The following DNAH9 variants were observed in gnomAD, a reference collection of about 807,000 sequenced individuals.
The protein encoded by DNAH9 is DNAH9 variant protein.
In DNAH9, 345 loss-of-function variants were observed where a neutral mutation model predicts 471.6. The observed-to-expected ratio is 0.73, with a 90% confidence interval of 0.67 to 0.80. The LOEUF is 0.80. Ranked by LOEUF, DNAH9 falls within the 30% of genes least tolerant of loss-of-function variation. DNAH9 has a pLI of 0.00. For synonymous variants in DNAH9, 2,093 were observed against 2,123.6 expected (o/e 0.99, Z 0.40); for missense variants, 5,407 against 5,609.2 (o/e 0.96, Z 1.15).
chr17:11,967,709 G>A (rs1230105817), intron 68 of DNAH9, among the ~76,000 whole-genome samples: 1 of 152,064 alleles, frequency 6.6e-6, no homozygotes, highest in Non-Finnish European at 1.5e-5. Flanking sequence ...CAAAAGACAC[G>A]TTTTAGATTG....
rs757449453 is a variant in DNAH9 at position 11,598,820 on chromosome 17, C to T, written c.322C>T (p.Pro108Ser). ...AKALFFLRTG[P>S]EPPGPDSFRG... ...GGCGCTTTTTTTCCTTCGCACCGGG[C>T]CCGAGCCTCCAGGGCCCGACAGCTT... Residue 108 changes from proline to serine, a missense_variant, in exon 1 of 69, where the codon CCC (proline) becomes TCC (serine). By Grantham distance (74) the Pro-to-Ser change is moderately conservative (BLOSUM62 -1). This residue lies in a region of DNAH9 where 767 missense variants were observed against 692.5 expected (regional missense o/e 1.11). Transcript: ENST00000262442. The T allele has an allele frequency of 3.3e-6, 5 of 1,493,632 alleles. No homozygotes were observed. Among genetic ancestry groups the T allele is most frequent in the Admixed American group, 4.4e-5 (2 of 45,478 alleles). 92.5% of individuals were successfully genotyped at this position (1,493,632 alleles called of 1,614,324 possible).
At chr17:11,628,446 C>A (rs1415543659) in intron 6 of DNAH9, among the ~76,000 whole-genome samples, 1 of 152,208 alleles carries the variant, frequency 6.6e-6, no homozygotes, top group East Asian at 1.9e-4. Flanking sequence ...ACTGACTTAG[C>A]ACTCAGCATC....
intron 49 of DNAH9, among the ~76,000 whole-genome samples, chr17:11,849,894 G>C (rs1342663887): frequency 1.3e-5 from 2 of 152,278 alleles, no homozygotes; most frequent in East Asian, 3.9e-4. Flanking sequence ...AATGATGACT[G>C]CACACATATT....
intron 61 of DNAH9, among the ~76,000 whole-genome samples, chr17:11,913,080 A>G (rs184614971): frequency 2.5e-4 from 38 of 152,278 alleles, no homozygotes; most frequent in Admixed American, 2.2e-3. Context: ...AGGCAAGAGA[A>G]TTGCTTGAAC....
chr17:11,968,606 T>C (rs1211962002), intron 68 of DNAH9, among the ~76,000 whole-genome samples: 1 of 152,242 alleles, frequency 6.6e-6, no homozygotes, highest in African/African-American at 2.4e-5. Flanking sequence ...TGTGGTAGTG[T>C]ATGTTGTAAA....
intron 8 of DNAH9, among the ~76,000 whole-genome samples, chr17:11,635,970 C>T (rs1316324325): frequency 1.3e-5 from 2 of 149,482 alleles, no homozygotes; most frequent in Admixed American, 1.3e-4. Context: ...TCTTTCTGTT[C>T]TAGGTTTTGT....
At position 11,945,751 on chromosome 17, in the gene DNAH9, TAC is replaced by T. The variant is rs934559375; in HGVS notation, c.12843+3270_12843+3271del. On this transcript the variant is annotated intron_variant, in intron 67 of 68. Coordinates refer to ENST00000262442, the MANE Select transcript of DNAH9 (RefSeq NM_001372.4). ...GTGAGAATTGCACTACTATGCAATATACACATGTGAGAAAGCTGCACTTGTGG... is the reference window on the plus strand; with the variant it reads ...GTGAGAATTGCACTACTATGCAATATACATGTGAGAAAGCTGCACTTGTGG... Among the ~76,000 whole-genome samples the T allele has an allele frequency of 6.2e-5, 9 of 145,892 alleles. No individual in the cohort carries two copies. In the Admixed American group the frequency reaches 6.3e-4, roughly 10 times the overall value.
At chr17:11,856,287 G>A (rs140497992) in intron 50 of DNAH9, among the ~76,000 whole-genome samples, 1 of 152,316 alleles carries the variant, frequency 6.6e-6, no homozygotes, top group African/African-American at 2.4e-5. Context: ...TACAAGTTAT[G>A]AAAGGTAGGA....
Position 11,679,876 on chromosome 17 carries a change from G to A in DNAH9, c.3473G>A (p.Arg1158Gln), listed in dbSNP as rs771170445. Reference sequence around the variant, plus strand: ...GGACACCTTATGGCTGTTAAAGAACGGCAGAGTAACACTGATGAGATGTTT... The same window carrying A: ...GGACACCTTATGGCTGTTAAAGAACAGCAGAGTAACACTGATGAGATGTTT... ...IMGHLMAVKE[R>Q]QSNTDEMFEP... is the part of the protein sequence containing the mutation. The change falls in exon 18 of 69, where the codon CGG becomes CAG. Residue 1158 changes from arginine to glutamine, a missense_variant. Transcript: ENST00000262442. The A allele has an allele frequency of 6.8e-6, 11 of 1,613,944 alleles. No individual in the cohort carries two copies. The highest frequency in any genetic ancestry group is 6.7e-5 in the African/African-American group (5 of 74,918).
At chr17:11,650,894 G>A (rs1436093359) in intron 12 of DNAH9, among the ~76,000 whole-genome samples, 175 bp from the exon 13 acceptor site, 1 of 152,156 alleles carries the variant, frequency 6.6e-6, no homozygotes, top group African/African-American at 2.4e-5. Flanking sequence ...TCTTCCTTCT[G>A]CCTGATACTT....
At chr17:11,901,355 G>A (rs1311249415) in intron 59 of DNAH9, among the ~76,000 whole-genome samples, 7 of 152,128 alleles carry the variant, frequency 4.6e-5, no homozygotes, top group African/African-American at 1.4e-4. Context: ...TGGCTTCCCC[G>A]GGCCACACTG....
chr17:11,683,951 T>C (rs1597474856), intron 19 of DNAH9, among the ~76,000 whole-genome samples: 1 of 152,218 alleles, frequency 6.6e-6, no homozygotes, highest in South Asian at 2.1e-4. Context: ...GTGTTTTGTT[T>C]TCTTTCTTAG....
chr17:11,798,186 C>A (rs545667373), intron 43 of DNAH9, among the ~76,000 whole-genome samples: 1 of 151,992 alleles, frequency 6.6e-6, no homozygotes. Flanking sequence ...GTAATCCCAG[C>A]ACTTTGGAGG....
chr17:11,652,684 T>G, intron 13 of DNAH9, 77 bp from the exon 14 acceptor site: 1 of 1,370,726 alleles, frequency 7.3e-7, no homozygotes, highest in South Asian at 1.3e-5. Flanking sequence ...ATTAAATCCC[T>G]GTCTTTCATA....
intron 3 of DNAH9, among the ~76,000 whole-genome samples, 155 bp from the exon 4 acceptor site, chr17:11,611,494 TG>T (rs1229461888): frequency 6.6e-5 from 10 of 152,338 alleles, no homozygotes; most frequent in African/African-American, 2.4e-4. Context: ...CTCACTGGGC[TG>T]GGAACAGATG....
chr17:11,930,720 G>C (rs922453712), intron 63 of DNAH9, among the ~76,000 whole-genome samples: 4 of 142,872 alleles, frequency 2.8e-5, no homozygotes, highest in Non-Finnish European at 6.0e-5. Flanking sequence ...AGCCGAGATT[G>C]TGCCACTGCA....
At chr17:11,922,792 C>T (rs1320639463) in intron 61 of DNAH9, among the ~76,000 whole-genome samples, 1 of 152,154 alleles carries the variant, frequency 6.6e-6, no homozygotes, top group Non-Finnish European at 1.5e-5. Flanking sequence ...CTACCTGAAT[C>T]CTGCCCCTAC....
rs137886814 is a variant in DNAH9 at position 11,674,415 on chromosome 17, T to C, written c.3353+4621T>C. Among the ~76,000 whole-genome samples the C allele has an allele frequency of 2.2e-3, 336 of 152,332 alleles. 3 individuals carry two copies. Among genetic ancestry groups the C allele is most frequent in the African/African-American group, 7.6e-3 (315 of 41,564 alleles). ...TGGTGGGAGTGTAATGGTATCTCAC[T>C]GTGGTAAATATTTTGCACTACTCTG... On this transcript the variant is annotated intron_variant, in intron 17 of 68. Transcript: ENST00000262442.
At chr17:11,735,816 C>T (rs2075338110) in intron 28 of DNAH9, among the ~76,000 whole-genome samples, 1 of 152,172 alleles carries the variant, frequency 6.6e-6, no homozygotes, top group African/African-American at 2.4e-5. Flanking sequence ...CAAAGTAAAA[C>T]AAATTGCTCT....
Sources: gnomAD v4.1 joint callset for allele counts (sites outside exome capture counted in the v4.1 genomes callset) on GRCh38, gnomAD v4.1.1 for gene constraint, gnomAD v4.1.1 regional missense constraint, MANE v1.5 for transcripts, NCBI Gene and HGNC (gene_info 2026-07-23, HGNC 2026-07-21) for gene names.